Variants in PALLD observed in about 807,000 individuals in gnomAD.
PALLD encodes the protein palladin, cytoskeletal associated protein, also known as palladin.
PALLD carries 61 observed loss-of-function variants against 123.5 expected under a neutral mutation model. That is an observed-to-expected ratio of 0.49 (90% CI 0.40 to 0.61). PALLD has a LOEUF of 0.61. PALLD is among the 20% of genes least tolerant of loss of function. PALLD has a pLI of 0.00. For synonymous variants in PALLD, 465 were observed against 496.4 expected, an observed-to-expected ratio of 0.94 and a Z score of 0.84; for missense variants, 1,273 against 1,377.0, an observed-to-expected ratio of 0.92 and a Z score of 1.20.
At chr4:168,634,226 T>G (rs1776113017) in intron 2 of PALLD, among the ~76,000 whole-genome samples, 1 of 152,226 alleles carries the variant, frequency 6.6e-6, no homozygotes, top group African/African-American at 2.4e-5. Flanking sequence ...GTTGGGTCAT[T>G]TCTAATCGTA....
Position 168,711,692 on chromosome 4 carries a change from C to T in PALLD, c.1733C>T (p.Ser578Leu). Residue 578 changes from serine to leucine, a missense_variant, in exon 10 of 22, where the codon TCA becomes TTA. Ser to Leu is a moderately radical substitution (Grantham distance 145). Around this residue, in one of 2 missense-constraint regions of PALLD, gnomAD observed 944 missense variants for 954.5 expected, o/e 0.99. Coordinates refer to ENST00000505667, the MANE Select transcript of PALLD (RefSeq NM_001166108.2). ...GAGACAAGTTCCTTGGAGTTGGCTT[C>T]AAAGAAACCATCTGAGATCCAGCAG... ...ILETSSLELASKKPSEIQQVN... is the reference protein window; with the variant it reads ...ILETSSLELALKKPSEIQQVN... 6.2e-7 allele frequency: 1 copy of T among 1,614,122 alleles called. No homozygotes were observed. The highest frequency in any genetic ancestry group is 2.2e-5 in the East Asian group (1 of 44,884).
rs374086199 is a variant in PALLD, at chr4:168,556,638, G to T, written c.908+44226G>T. Reference sequence around the variant, plus strand: ...CACAAGTCTGGGACTCTTACCCTGTGTTATTTTTTAAGTCATTTAAGTCAT... The same window carrying T: ...CACAAGTCTGGGACTCTTACCCTGTTTTATTTTTTAAGTCATTTAAGTCAT... On this transcript the variant is annotated intron_variant, in intron 2 of 21. Transcript: ENST00000505667. Among the ~76,000 whole-genome samples the T allele has an allele frequency of 1.9e-3, 285 of 152,244 alleles. 1 individual carries two copies. Among genetic ancestry groups the T allele is most frequent in the African/African-American group, 6.5e-3 (270 of 41,540 alleles).
chr4:168,544,099 A>G (rs766995487), intron 2 of PALLD, among the ~76,000 whole-genome samples: 2 of 152,262 alleles, frequency 1.3e-5, no homozygotes, highest in African/African-American at 2.4e-5. Flanking sequence ...GCCAAATGTC[A>G]TTGATAAATC....
intron 10 of PALLD, among the ~76,000 whole-genome samples, chr4:168,716,664 T>A (rs1785396813): frequency 2.0e-5 from 3 of 152,162 alleles, no homozygotes; most frequent in Admixed American, 2.0e-4. Flanking sequence ...CATATTGAGC[T>A]GTTAGGGATT....
At chr4:168,816,414 T>TA (rs1554088402) in intron 10 of PALLD, among the ~76,000 whole-genome samples, 48,582 of 120,410 alleles carry the variant, frequency 0.4, 10,382 homozygotes, top group Non-Finnish European at 0.51. Context: ...TATATATATA[T>TA]TTTTTTTAAG....
intron 2 of PALLD, among the ~76,000 whole-genome samples, chr4:168,603,088 A>G (rs1371326345): frequency 1.3e-5 from 2 of 152,192 alleles, no homozygotes; most frequent in African/African-American, 4.8e-5. Flanking sequence ...AAAACTATGC[A>G]GTGATACCCC....
chr4:168,644,137 G>A (rs578113554), intron 2 of PALLD, among the ~76,000 whole-genome samples: 2 of 150,764 alleles, frequency 1.3e-5, no homozygotes, highest in African/African-American at 4.9e-5. Context: ...CATCCAGGCT[G>A]GAGTGCAGTG....
At chr4:168,641,170 G>T (rs552876913) in intron 2 of PALLD, among the ~76,000 whole-genome samples, 3 of 151,070 alleles carry the variant, frequency 2.0e-5, no homozygotes, top group Non-Finnish European at 2.9e-5. Flanking sequence ...ATTGCACCAC[G>T]GCACTCCAGC....
rs138138558 is a variant in PALLD, at chr4:168,731,319, T to G, written c.1964+19396T>G. 1.3e-3 allele frequency among the ~76,000 whole-genome samples: 203 copies of G among 152,338 alleles called. 1 individual carries two copies. In the East Asian group the frequency reaches 0.019, roughly 14 times the overall value. ...TTAAGTGGATGTCAATTTATGAGAC[T>G]TCACAGCTTGTTTTTGAAGATGATT... On this transcript the variant is annotated intron_variant, in intron 10 of 21. Coordinates refer to ENST00000505667, the MANE Select transcript of PALLD (RefSeq NM_001166108.2).
rs70961555 is a variant in PALLD at position 168,761,645 on chromosome 4, G to GTTTTTTTTTTTTTTTTTTTTT, written c.1964+49733_1964+49753dup. On this transcript the variant is annotated intron_variant, in intron 10 of 21. Coordinates refer to ENST00000505667, the MANE Select transcript of PALLD (RefSeq NM_001166108.2). ...CCAGCTATTTTTGTTGTTGTTGTTT[G>GTTTTTTTTTTTTTTTTTTTTT]TTTTTTTTTTTTTTTTTTTTTTTTT... Among the ~76,000 whole-genome samples the GTTTTTTTTTTTTTTTTTTTTT allele has an allele frequency of 3.0e-3, 263 of 87,866 alleles. 31 individuals carry two copies. Among genetic ancestry groups the GTTTTTTTTTTTTTTTTTTTTT allele is most frequent in the Non-Finnish European group, 3.6e-3 (164 of 45,090 alleles). The allele number at this position is 87,866 out of a possible 152,430, so 57.6% of individuals were successfully genotyped here.
At chr4:168,625,085 G>C (rs1300958274) in intron 2 of PALLD, among the ~76,000 whole-genome samples, 1 of 151,924 alleles carries the variant, frequency 6.6e-6, no homozygotes, top group Non-Finnish European at 1.5e-5. Context: ...AAGGAAAACT[G>C]GGAAACTGAG....
At chr4:168,639,423 A>G (rs1279798222) in intron 2 of PALLD, among the ~76,000 whole-genome samples, 1 of 152,234 alleles carries the variant, frequency 6.6e-6, no homozygotes, top group African/African-American at 2.4e-5. Flanking sequence ...AAGTTTGGAA[A>G]GGAGTTTCGC....
intron 10 of PALLD, chr4:168,756,339 G>T: frequency 4.4e-6 from 1 of 225,204 alleles, no homozygotes; most frequent in South Asian, 6.4e-5. Flanking sequence ...CATTTTGGAT[G>T]GTATCTATGT....
intron 2 of PALLD, among the ~76,000 whole-genome samples, chr4:168,592,628 A>C (rs995223185): frequency 2.0e-5 from 3 of 152,202 alleles, no homozygotes; most frequent in Non-Finnish European, 4.4e-5. Context: ...GTTGCAGCAA[A>C]AGATCAAGTT....
intron 2 of PALLD, among the ~76,000 whole-genome samples, chr4:168,563,793 G>T (rs1391806501): frequency 6.6e-6 from 1 of 152,170 alleles, no homozygotes; most frequent in Non-Finnish European, 1.5e-5. Context: ...TTGATTGTCT[G>T]TCTGTGTTCT....
At chr4:168,788,211 A>G (rs1737020260) in intron 10 of PALLD, among the ~76,000 whole-genome samples, 1 of 145,788 alleles carries the variant, frequency 6.9e-6, no homozygotes, top group Admixed American at 7.1e-5. Context: ...GGAATTTTCC[A>G]AAGTTCCTTA....
chr4:168,523,207 A>G (rs1015345858), intron 2 of PALLD, among the ~76,000 whole-genome samples: 1 of 104,348 alleles, frequency 9.6e-6, no homozygotes, highest in African/African-American at 5.3e-5. Flanking sequence ...AATCTTTGAG[A>G]ACGAGAAGAA....
chr4:168,545,360 C>A (rs950966406), intron 2 of PALLD, among the ~76,000 whole-genome samples: 5 of 152,006 alleles, frequency 3.3e-5, no homozygotes, highest in Non-Finnish European at 7.4e-5. Flanking sequence ...AACCTCGTCT[C>A]TACTAAAAGT....
In PALLD at chr4:168,633,843, G is replaced by T. The variant is rs139916771; in HGVS notation, c.909-34347G>T. ...TTCCATCAAGCTTTAATCATACTTTGCCAATGCATATTGAACTTTGTTTCT... is the reference window on the plus strand; with the variant it reads ...TTCCATCAAGCTTTAATCATACTTTTCCAATGCATATTGAACTTTGTTTCT... On this transcript the variant is annotated intron_variant, in intron 2 of 21. Transcript: ENST00000505667. Among the ~76,000 whole-genome samples the T allele has an allele frequency of 3.3e-3, 500 of 152,166 alleles. 5 individuals carry two copies. Among genetic ancestry groups the T allele is most frequent in the African/African-American group, 0.011 (462 of 41,508 alleles).
Sources: gnomAD v4.1 joint callset for allele counts (sites outside exome capture counted in the v4.1 genomes callset) on GRCh38, gnomAD v4.1.1 for gene constraint, gnomAD v4.1.1 regional missense constraint, MANE v1.5 for transcripts, NCBI Gene and HGNC (gene_info 2026-07-23, HGNC 2026-07-21) for gene names.